Variants in SCN2A observed in about 807,000 individuals in gnomAD.
SCN2A encodes sodium voltage-gated channel alpha subunit 2.
Under a neutral mutation model 188.7 loss-of-function variants are expected in SCN2A, and 20 were observed. The ratio of observed to expected loss-of-function variants is 0.11; its 90% CI spans 0.07 to 0.15. SCN2A has a LOEUF of 0.15. Among genes scored for constraint, SCN2A ranks in the 10% least tolerant of loss-of-function variants. The pLI, the probability that SCN2A is intolerant of heterozygous loss-of-function variation, is 1.00. For synonymous variants in SCN2A, 804 were observed against 833.1 expected, an observed-to-expected ratio of 0.97 and a Z score of 0.60; for missense variants, 1,278 against 2,445.0, an observed-to-expected ratio of 0.52 and a Z score of 10.07.
intron 1 of SCN2A, among the ~76,000 whole-genome samples, chr2:165,282,635 C>G (rs1695633184): frequency 6.6e-6 from 1 of 152,128 alleles, no homozygotes; most frequent in Non-Finnish European, 1.5e-5. Context: ...AGGCCAGTCT[C>G]CAACTCCTAG....
intron 1 of SCN2A, chr2:165,272,075 T>C (rs879456856): frequency 4.6e-5 from 7 of 152,046 alleles, no homozygotes; most frequent in African/African-American, 1.4e-4. Context: ...CTTAAGATTG[T>C]CAGACTGGAT....
chr2:165,329,011 G>GTTTTTTTTTTTT (rs1553573809), intron 13 of SCN2A, among the ~76,000 whole-genome samples: 6 of 70,690 alleles, frequency 8.5e-5, no homozygotes, highest in Non-Finnish European at 8.7e-5. Context: ...TTTTTTTTTG[G>GTTTTTTTTTTTT]TTTCTGATAA....
At chr2:165,249,021 A>G (rs544613596) in intron 1 of SCN2A, among the ~76,000 whole-genome samples, 3 of 152,252 alleles carry the variant, frequency 2.0e-5, no homozygotes, top group South Asian at 2.1e-4. Flanking sequence ...ATGACAGTAA[A>G]TGTATCATTA....
intron 3 of SCN2A, among the ~76,000 whole-genome samples, chr2:165,299,313 A>G (rs1574532667): frequency 6.6e-6 from 1 of 152,102 alleles, no homozygotes; most frequent in Non-Finnish European, 1.5e-5. Flanking sequence ...GAAAGAACTC[A>G]CCCTCCACAG....
chr2:165,296,349 T>G, intron 2 of SCN2A: 1 of 500,942 alleles, frequency 2.0e-6, no homozygotes, highest in East Asian at 3.7e-5. Flanking sequence ...AAAAGCCTAT[T>G]CACCTTCTTG....
At chr2:165,345,198 T>A (rs1182434930) in intron 16 of SCN2A, among the ~76,000 whole-genome samples, 1 of 152,192 alleles carries the variant, frequency 6.6e-6, no homozygotes, top group Non-Finnish European at 1.5e-5. Context: ...ATGGAAGTGT[T>A]ACTTAGAACA....
At chr2:165,304,532 T>G (rs192253618) in intron 3 of SCN2A, among the ~76,000 whole-genome samples, 1 of 152,350 alleles carries the variant, frequency 6.6e-6, no homozygotes, top group Admixed American at 6.5e-5. Context: ...ATAGCAAGGC[T>G]ATAATGGTGA....
intron 12 of SCN2A, among the ~76,000 whole-genome samples, chr2:165,325,823 A>G (rs143867583): frequency 1.2e-4 from 18 of 152,296 alleles, no homozygotes; most frequent in Middle Eastern, 3.4e-3. Context: ...AGTGACAATC[A>G]TATGCAATGA....
chr2:165,289,564 C>T (rs1038542411), intron 1 of SCN2A, among the ~76,000 whole-genome samples: 2 of 151,922 alleles, frequency 1.3e-5, no homozygotes, highest in Admixed American at 6.6e-5. Flanking sequence ...AAAACCTTCA[C>T]GTAATATATG....
chr2:165,386,908 G>A lies in SCN2A; in HGVS notation c.4714G>A (p.Val1572Ile). ...ILYWINLVFI[V>I]LFTGECVLKL... ...GTACTGGATTAATCTGGTGTTTATT[G>A]TTCTGTTCACTGGAGAATGTGTGCT... is the stretch of plus-strand genomic sequence containing the variant. Residue 1572 changes from valine to isoleucine, a missense_variant, in exon 26 of 27, where the codon GTT (valine) becomes ATT (isoleucine). Transcript: ENST00000375437. The A allele has an allele frequency of 6.2e-7, 1 of 1,613,894 alleles. No homozygotes were observed. Among genetic ancestry groups the A allele is most frequent in the Non-Finnish European group, 8.5e-7 (1 of 1,179,902 alleles).
intron 14 of SCN2A, among the ~76,000 whole-genome samples, chr2:165,336,423 C>T (rs1446164507): frequency 1.3e-5 from 2 of 151,850 alleles, no homozygotes; most frequent in African/African-American, 2.4e-5. Flanking sequence ...AGTATTGCTA[C>T]AATCTACAAC....
intron 1 of SCN2A, among the ~76,000 whole-genome samples, chr2:165,274,603 T>A (rs1181030098): frequency 6.6e-6 from 1 of 152,252 alleles, no homozygotes; most frequent in Non-Finnish European, 1.5e-5. Context: ...TATCATTTAG[T>A]TGCTACTATT....
In SCN2A at chr2:165,320,811, TC is replaced by T. The variant is rs1307625179; in HGVS notation, c.1672-2343del. Among the ~76,000 whole-genome samples, 4 of 152,254 alleles carry T rather than the reference TC, an allele frequency of 2.6e-5. No homozygotes were observed. In the Middle Eastern group the frequency reaches 0.01, roughly 388 times the overall value. On this transcript the variant is annotated intron_variant, in intron 11 of 26. Coordinates refer to ENST00000375437, the MANE Select transcript of SCN2A (RefSeq NM_001040142.2). ...GGACCCGGCACATGAAACCACTTTT[TC>T]CTCCTAGGCCTCCGAGCCTGTGACG...
intron 26 of SCN2A, 142 bp from the exon 27 acceptor site, chr2:165,388,487 C>A: frequency 8.4e-7 from 1 of 1,184,262 alleles, no homozygotes; most frequent in Non-Finnish European, 1.2e-6. Flanking sequence ...TCATTTTGCT[C>A]AACAAACATT....
At chr2:165,366,507 C>G (rs780735633) in intron 18 of SCN2A, among the ~76,000 whole-genome samples, 1 of 151,836 alleles carries the variant, frequency 6.6e-6, no homozygotes. Context: ...CCGAGGCAGG[C>G]GGATCACTTG....
Position 165,386,766 on chromosome 2 carries a change from C to T in SCN2A, c.4572C>T (p.Val1524=), listed in dbSNP as rs776254144. The T allele has an allele frequency of 1.9e-5, 30 of 1,613,476 alleles. No homozygotes were observed. Among genetic ancestry groups the T allele is most frequent in the Non-Finnish European group, 2.5e-5 (30 of 1,179,608 alleles). ...PRPANKFQGM[V]FDFVTKQVFD... ...TCCAGAACAAATTCCAAGGAATGGTCTTTGATTTTGTAACCAAACAAGTCT... is the reference window on the plus strand; with the variant it reads ...TCCAGAACAAATTCCAAGGAATGGTTTTTGATTTTGTAACCAAACAAGTCT... Residue 1524 remains valine, a synonymous_variant, in exon 26 of 27, where the codon GTC becomes GTT. Coordinates refer to ENST00000375437, the MANE Select transcript of SCN2A (RefSeq NM_001040142.2).
intron 3 of SCN2A, among the ~76,000 whole-genome samples, chr2:165,298,327 A>G (rs1696616434): frequency 1.3e-5 from 2 of 152,186 alleles, no homozygotes; most frequent in Non-Finnish European, 1.5e-5. Flanking sequence ...AGGAAATGGG[A>G]TAAGCCTGGT....
intron 3 of SCN2A, among the ~76,000 whole-genome samples, chr2:165,306,632 G>A (rs1697154325): frequency 6.6e-6 from 1 of 151,626 alleles, no homozygotes; most frequent in Middle Eastern, 3.4e-3. Flanking sequence ...AAAAAACTGA[G>A]AATTAAGCAT....
chr2:165,366,257 A>G (rs1700720193), intron 18 of SCN2A, among the ~76,000 whole-genome samples: 1 of 152,198 alleles, frequency 6.6e-6, no homozygotes, highest in African/African-American at 2.4e-5. Context: ...TTCTTTGAGG[A>G]CAAGGCTATG....
Sources: gnomAD v4.1 joint callset for allele counts (sites outside exome capture counted in the v4.1 genomes callset) on GRCh38, gnomAD v4.1.1 for gene constraint, MANE v1.5 for transcripts, NCBI Gene and HGNC (gene_info 2026-07-23, HGNC 2026-07-21) for gene names.